The following USP32 variants were observed in gnomAD, a reference collection of about 807,000 sequenced individuals.
The protein encoded by USP32 is ubiquitin carboxyl-terminal hydrolase 32.
A neutral mutation model predicts 204.8 loss-of-function variants in USP32; 59 were observed. The observed-to-expected ratio is 0.29, with a 90% confidence interval of 0.23 to 0.36. The LOEUF (loss-of-function observed/expected upper bound fraction) is 0.36, where lower values mean the gene tolerates loss of function less well. Among genes scored for constraint, USP32 ranks in the 10% least tolerant of loss-of-function variants. The pLI is 1.00. For synonymous variants in USP32, 517 were observed against 678.4 expected, an observed-to-expected ratio of 0.76 and a Z score of 3.70; for missense variants, 1,160 against 1,946.4, an observed-to-expected ratio of 0.60 and a Z score of 7.60.
chr17:60,392,804 G>A (rs1190232324), upstream of USP32, among the ~76,000 whole-genome samples: 2 of 152,180 alleles, frequency 1.3e-5, no homozygotes, highest in South Asian at 4.2e-4. Context: ...CTGCCTTTTC[G>A]GGTCATCTCG....
intron 1 of USP32, among the ~76,000 whole-genome samples, chr17:60,368,233 GAAGCATTTCACA>G (rs1271508974): frequency 6.6e-6 from 1 of 152,156 alleles, no homozygotes; most frequent in African/African-American, 2.4e-5. Context: ...TAGAGATACT[GAAGCATTTCACA>G]CTGTACAACA....
intron 2 of USP32, among the ~76,000 whole-genome samples, chr17:60,325,402 C>T (rs898166620): frequency 1.5e-4 from 22 of 151,536 alleles, no homozygotes; most frequent in Admixed American, 1.3e-3. Flanking sequence ...TGGGTGACAG[C>T]GCAAGACCCT....
chr17:60,303,765 A>C (rs2087648215), intron 2 of USP32, among the ~76,000 whole-genome samples: 1 of 152,210 alleles, frequency 6.6e-6, no homozygotes. Context: ...TCAGAGACGA[A>C]GGAAAAATAT....
intron 10 of USP32, among the ~76,000 whole-genome samples, chr17:60,253,560 G>GTT (rs2086220779): frequency 6.6e-6 from 1 of 152,076 alleles, no homozygotes; most frequent in African/African-American, 2.4e-5. Context: ...GAGGTCAGGA[G>GTT]TTTGAGACCA....
chr17:60,324,893 C>T (rs2088195511), intron 2 of USP32, among the ~76,000 whole-genome samples: 2 of 152,084 alleles, frequency 1.3e-5, no homozygotes, highest in Non-Finnish European at 2.9e-5. Context: ...ATCCCAGCTA[C>T]TCAGGAGGCT....
At chr17:60,400,792 G>A (rs758533801) in intron 1 of USP32, among the ~76,000 whole-genome samples, 10 of 152,002 alleles carry the variant, frequency 6.6e-5, no homozygotes, top group African/African-American at 9.7e-5. Context: ...ATGCTGAGTC[G>A]GGGGGATCAC....
chr17:60,353,275 G>A (rs1283884346), intron 1 of USP32, among the ~76,000 whole-genome samples: 2 of 152,260 alleles, frequency 1.3e-5, no homozygotes, highest in East Asian at 3.9e-4. Flanking sequence ...CTGCAGGCCA[G>A]GAAGAGAGCC....
At chr17:60,398,730 C>T (rs1340792647) in intron 1 of USP32, among the ~76,000 whole-genome samples, 1 of 151,684 alleles carries the variant, frequency 6.6e-6, no homozygotes, top group Non-Finnish European at 1.5e-5. Flanking sequence ...GTAATCCTAG[C>T]ACTTTGGGAG....
chr17:60,212,205 A>T (rs1298387784), intron 18 of USP32, 107 bp from the exon 19 acceptor site: 1 of 964,538 alleles, frequency 1.0e-6, no homozygotes, highest in Non-Finnish European at 1.6e-6. Flanking sequence ...GAAGTTTTAA[A>T]ATCTAGTTAA....
At chr17:60,415,633 G>A (rs1219589010) in intron 1 of USP32, among the ~76,000 whole-genome samples, 1 of 152,114 alleles carries the variant, frequency 6.6e-6, no homozygotes, top group Non-Finnish European at 1.5e-5. Context: ...GTAATGATTC[G>A]GATCCAGGTG....
intron 1 of USP32, among the ~76,000 whole-genome samples, chr17:60,379,468 A>C (rs1008484336): frequency 3.3e-5 from 5 of 152,162 alleles, no homozygotes; most frequent in Admixed American, 2.6e-4. Context: ...AGTTTAGCTT[A>C]TCTCTGCCAG....
intron 2 of USP32, among the ~76,000 whole-genome samples, chr17:60,314,491 G>A (rs1214319399): frequency 6.6e-6 from 1 of 151,300 alleles, no homozygotes; most frequent in African/African-American, 2.4e-5. Flanking sequence ...AAAGAGCAGT[G>A]AACTTGAAGA....
At chr17:60,316,530 T>C (rs1245447597) in intron 2 of USP32, among the ~76,000 whole-genome samples, 1 of 152,130 alleles carries the variant, frequency 6.6e-6, no homozygotes, top group African/African-American at 2.4e-5. Flanking sequence ...CTCTTCTGTG[T>C]TGTTCCTGTA....
chr17:60,242,718 T>C (rs974916145), intron 11 of USP32, among the ~76,000 whole-genome samples: 7 of 152,340 alleles, frequency 4.6e-5, no homozygotes, highest in South Asian at 2.1e-4. Flanking sequence ...AGGGTTTCCT[T>C]TTAAAATATC....
chr17:60,202,794 T>C (rs1368615968), intron 26 of USP32, among the ~76,000 whole-genome samples: 3 of 148,416 alleles, frequency 2.0e-5, no homozygotes, highest in Non-Finnish European at 4.4e-5. Flanking sequence ...TTCTAACCCC[T>C]GGAACCAGTA....
intron 2 of USP32, among the ~76,000 whole-genome samples, chr17:60,307,891 G>A (rs552390845): frequency 3.9e-4 from 59 of 152,180 alleles, no homozygotes; most frequent in Non-Finnish European, 7.1e-4. Context: ...GCAGAAGAAC[G>A]CACAAGTGGC....
At chr17:60,259,137 T>C (rs2086389264) in intron 9 of USP32, among the ~76,000 whole-genome samples, 1 of 152,194 alleles carries the variant, frequency 6.6e-6, no homozygotes, top group African/African-American at 2.4e-5. Context: ...GAAGCTTTCC[T>C]TTAGCTCCCT....
intron 5 of USP32, among the ~76,000 whole-genome samples, chr17:60,273,791 C>T (rs1253075554): frequency 6.6e-6 from 1 of 151,682 alleles, no homozygotes; most frequent in South Asian, 2.1e-4. Flanking sequence ...AAACCCCCAT[C>T]GCTACTAAAA....
chr17:60,268,451 T>G (rs964178789), intron 7 of USP32, among the ~76,000 whole-genome samples: 1 of 150,826 alleles, frequency 6.6e-6, no homozygotes, highest in African/African-American at 2.4e-5. Flanking sequence ...TACATGCCTG[T>G]AGTCCCAGCT....
Sources: gnomAD v4.1 joint callset for allele counts (sites outside exome capture counted in the v4.1 genomes callset) on GRCh38, gnomAD v4.1.1 for gene constraint, MANE v1.5 for transcripts, NCBI Gene and HGNC (gene_info 2026-07-23, HGNC 2026-07-21) for gene names.